Variants in PCDHA3 observed in about 807,000 individuals in gnomAD.
PCDHA3 encodes protocadherin alpha 3, also known as protocadherin alpha-3.
A neutral mutation model predicts 62.2 loss-of-function variants in PCDHA3; 41 were observed. That is an observed-to-expected ratio of 0.66 (90% confidence interval 0.51 to 0.86). The LOEUF is 0.86. Among genes scored for constraint, PCDHA3 ranks in the 40% least tolerant of loss-of-function variants. PCDHA3 has a pLI of 0.00. For synonymous variants in PCDHA3, 640 were observed against 555.4 expected, an observed-to-expected ratio of 1.15 and a Z score of -2.14; for missense variants, 1,304 against 1,241.2, an observed-to-expected ratio of 1.05 and a Z score of -0.76.
intron 1 of PCDHA3, among the ~76,000 whole-genome samples, chr5:140,977,637 T>C (rs1440093548): frequency 6.6e-6 from 1 of 152,228 alleles, no homozygotes; most frequent in Non-Finnish European, 1.5e-5. Flanking sequence ...TAACTTTTTC[T>C]GGGCCTTGAC....
intron 1 of PCDHA3, chr5:140,856,523 G>T: frequency 6.3e-7 from 1 of 1,598,526 alleles, no homozygotes; most frequent in Non-Finnish European, 8.6e-7. Context: ...CGCATCTGAT[G>T]CGGATGTTGG....
In PCDHA3 at chr5:140,824,072, C is replaced by T; in HGVS notation, c.2394+20481C>T. 1 of 1,614,254 alleles carries T rather than the reference C, an allele frequency of 6.2e-7. No homozygotes were observed. The highest frequency in any genetic ancestry group is 8.5e-7 in the Non-Finnish European group (1 of 1,180,044). ...TGCTCTGGGGAAGCTCCACCCAAAA[C>T]AGACCTCATGGCCTTCAGTCCAAGC... On this transcript the variant is annotated intron_variant, in intron 1 of 3. Coordinates refer to ENST00000522353, the MANE Select transcript of PCDHA3 (RefSeq NM_018906.3).
At chr5:140,998,380 A>G (rs921989792) in intron 3 of PCDHA3, among the ~76,000 whole-genome samples, 2 of 152,188 alleles carry the variant, frequency 1.3e-5, no homozygotes, top group African/African-American at 4.8e-5. Context: ...GTCTCTAGAA[A>G]GTTTAATGCC....
chr5:140,828,521 G>A, intron 1 of PCDHA3: 1 of 1,614,218 alleles, frequency 6.2e-7, no homozygotes, highest in Non-Finnish European at 8.5e-7. Context: ...GCTGATTTAC[G>A]AATCTAGGCT....
intron 3 of PCDHA3, among the ~76,000 whole-genome samples, chr5:141,004,848 CAG>C (rs1554259777): frequency 6.6e-6 from 1 of 152,190 alleles, no homozygotes; most frequent in Non-Finnish European, 1.5e-5. Context: ...TCATTAGTCT[CAG>C]AGAAAAAATT....
chr5:140,933,586 T>A (rs1474110331), intron 1 of PCDHA3, among the ~76,000 whole-genome samples: 1 of 152,108 alleles, frequency 6.6e-6, no homozygotes, highest in Non-Finnish European at 1.5e-5. Flanking sequence ...AGTGGGTTTT[T>A]AGGTTGATTT....
chr5:140,846,328 A>G (rs188043229), intron 1 of PCDHA3, among the ~76,000 whole-genome samples: 2 of 147,118 alleles, frequency 1.4e-5, no homozygotes, highest in East Asian at 3.9e-4. Flanking sequence ...TGTTGTAAAT[A>G]GCCTTTTAAA....
chr5:140,956,522 C>T (rs1043265748), intron 1 of PCDHA3, among the ~76,000 whole-genome samples: 14 of 152,116 alleles, frequency 9.2e-5, no homozygotes, highest in Non-Finnish European at 1.9e-4. Flanking sequence ...GGTGAATAAG[C>T]TTTTTGATGT....
intron 1 of PCDHA3, chr5:140,969,073 G>A (rs781937942): frequency 1.4e-5 from 23 of 1,613,974 alleles, no homozygotes; most frequent in South Asian, 5.5e-5. Context: ...CCAGGATACC[G>A]CATGGCCTCA....
chr5:140,914,073 C>T (rs1314205032), intron 1 of PCDHA3, among the ~76,000 whole-genome samples: 2 of 152,120 alleles, frequency 1.3e-5, no homozygotes, highest in Non-Finnish European at 2.9e-5. Flanking sequence ...TGCTCCATAA[C>T]TATCTATTAG....
chr5:140,827,595 A>G (rs2150148333), intron 1 of PCDHA3, among the ~76,000 whole-genome samples: 1 of 152,352 alleles, frequency 6.6e-6, no homozygotes, highest in Admixed American at 6.5e-5. Context: ...GGAAAGACAG[A>G]TGTGGGCAAG....
At chr5:140,856,763 C>G (rs1004781576) in intron 1 of PCDHA3, 3 of 1,596,086 alleles carry the variant, frequency 1.9e-6, no homozygotes, top group Admixed American at 1.7e-5. Flanking sequence ...TGATAACGCC[C>G]CTATCTTTGA....
chr5:140,809,169 C>T, intron 1 of PCDHA3: 1 of 1,614,002 alleles, frequency 6.2e-7, no homozygotes, highest in Non-Finnish European at 8.5e-7. Flanking sequence ...GCGCTGACGG[C>T]CACGGCCACT....
Position 140,803,549 on chromosome 5 carries a change from T to C in PCDHA3, c.2352T>C (p.Asp784=), listed in dbSNP as rs1206713786. The change falls in exon 1 of 4, where the codon GAT becomes GAC. Residue 784 remains aspartate, a synonymous_variant. Coordinates refer to ENST00000522353, the MANE Select transcript of PCDHA3 (RefSeq NM_018906.3). ...PSLPPCPISR[D]REEKQDVDVD... ...TTCCTCCTTGTCCAATTAGCCGGGA[T>C]AGAGAGGAGAAACAGGATGTGGACG... The C allele has an allele frequency of 2.5e-6, 4 of 1,614,228 alleles. No individual in the cohort carries two copies. Among genetic ancestry groups the C allele is most frequent in the Non-Finnish European group, 3.4e-6 (4 of 1,180,032 alleles).
chr5:140,980,734 T>C (rs2096903764), intron 2 of PCDHA3, among the ~76,000 whole-genome samples: 3 of 151,998 alleles, frequency 2.0e-5, no homozygotes, highest in African/African-American at 4.8e-5. Context: ...TAAGATATTA[T>C]GAGATTTGAG....
chr5:140,929,736 T>A, intron 1 of PCDHA3: 1 of 201,874 alleles, frequency 5.0e-6, no homozygotes, highest in Non-Finnish European at 1.1e-5. Context: ...CTTAAACTAT[T>A]GCAATGCATT....
intron 1 of PCDHA3, among the ~76,000 whole-genome samples, chr5:140,838,898 G>A (rs1024702738): frequency 6.6e-6 from 1 of 151,748 alleles, no homozygotes; most frequent in Non-Finnish European, 1.5e-5. Context: ...CTAGGTGACA[G>A]AGCAATACCT....
intron 1 of PCDHA3, chr5:140,841,598 G>A (rs2150318945): frequency 8.1e-6 from 13 of 1,614,142 alleles, no homozygotes; most frequent in Admixed American, 6.7e-5. Context: ...GATCGACCGC[G>A]AGGAGCTGTG....
rs112292443 is a variant in PCDHA3 at position 140,899,661 on chromosome 5, C to T, written c.2395-79288C>T. Among the ~76,000 whole-genome samples the T allele has an allele frequency of 4.4e-3, 665 of 152,224 alleles. 7 individuals carry two copies. Among genetic ancestry groups the T allele is most frequent in the African/African-American group, 0.015 (620 of 41,530 alleles). ...ATTCTCTTATTTGGTTGTGTCTCTGCCCGGCTTTGGTATCAGGATGATGCT... is the reference window on the plus strand; with the variant it reads ...ATTCTCTTATTTGGTTGTGTCTCTGTCCGGCTTTGGTATCAGGATGATGCT... On this transcript the variant is annotated intron_variant, in intron 1 of 3. Transcript: ENST00000522353.
Sources: allele counts gnomAD v4.1 joint callset (sites outside exome capture counted in the v4.1 genomes callset), GRCh38; gene constraint gnomAD v4.1.1; transcripts MANE v1.5; gene names NCBI Gene and HGNC (gene_info 2026-07-23, HGNC 2026-07-21).